ATF6: variants seen among roughly 807,000 people sequenced by gnomAD.
The protein encoded by ATF6 is cyclic AMP-dependent transcription factor ATF-6 alpha.
Under a neutral mutation model 83.6 loss-of-function variants are expected in ATF6, and 53 were observed. That is an observed-to-expected ratio of 0.63 (90% CI 0.51 to 0.80). The LOEUF is 0.80. ATF6 is among the 30% of genes least tolerant of loss of function. ATF6 has a pLI of 0.00. For synonymous variants in ATF6, 288 were observed against 285.8 expected, an observed-to-expected ratio of 1.01 and a Z score of -0.08; for missense variants, 744 against 797.9, an observed-to-expected ratio of 0.93 and a Z score of 0.81.
intron 14 of ATF6, among the ~76,000 whole-genome samples, chr1:161,874,199 T>C (rs1387283632): frequency 6.6e-6 from 1 of 151,624 alleles, no homozygotes; most frequent in Admixed American, 6.6e-5. Context: ...TATTTTTCAG[T>C]TAGGGTGTTA....
At chr1:161,845,281 T>C (rs961564461) in intron 9 of ATF6, among the ~76,000 whole-genome samples, 1 of 152,214 alleles carries the variant, frequency 6.6e-6, no homozygotes, top group African/African-American at 2.4e-5. Context: ...ACTACCCTTT[T>C]TCATTAGCCT....
chr1:161,807,005 C>T (rs1685299440), intron 7 of ATF6, among the ~76,000 whole-genome samples: 1 of 152,024 alleles, frequency 6.6e-6, no homozygotes, highest in South Asian at 2.1e-4. Context: ...CTTGGAGAAT[C>T]TACCATGTGT....
chr1:161,959,290 G>C lies in ATF6; in HGVS notation c.*636G>C, dbSNP rs1689037246. The C allele has an allele frequency of 6.6e-6, 1 of 152,218 alleles. No individual in the cohort carries two copies. Among genetic ancestry groups the C allele is most frequent in the East Asian group, 1.9e-4 (1 of 5,204 alleles). 9.4% of individuals were successfully genotyped at this position (152,218 alleles called of 1,614,324 possible). A position where few individuals can be genotyped will look rare whatever the true frequency, so the allele number is the denominator to read the frequency against. ...ATTTGTGGCTCACACCTAAACAAAG[G>C]GGGTCAGGGAGTGGGTACAAATTTG... On this transcript the variant is annotated 3_prime_UTR_variant, in exon 16 of 16. Coordinates refer to ENST00000367942, the MANE Select transcript of ATF6 (RefSeq NM_007348.4).
chr1:161,779,722 G>A lies in ATF6; in HGVS notation c.159+1402G>A, dbSNP rs760326724. Among the ~76,000 whole-genome samples the A allele has an allele frequency of 2.0e-5, 3 of 152,142 alleles. No individual in the cohort carries two copies. In the South Asian group the frequency reaches 6.2e-4, roughly 32 times the overall value. ...ATTAAGAAAGTTTAAGGATTTTTTG[G>A]TTGCTAAAACAAGGCTGCTTAATTT... On this transcript the variant is annotated intron_variant, in intron 2 of 15. Transcript: ENST00000367942.
Position 161,766,401 on chromosome 1 carries a change from C to A in ATF6, c.41C>A (p.Pro14His), listed in dbSNP as rs540411870. Residue 14 changes from proline to histidine, a missense_variant, in exon 1 of 16, where the codon CCT becomes CAT. By Grantham distance (77) the Pro-to-His change is moderately conservative (BLOSUM62 -2). Transcript: ENST00000367942. Reference protein sequence around the residue: ...PAGVAGTMESPFSPGLFHRLD... With the variant: ...PAGVAGTMESHFSPGLFHRLD... ...GGGGTTGCCGGCACCATGGAGTCAC[C>A]TTTTAGCCCGGGACTCTTTCACAGG... is the stretch of plus-strand genomic sequence containing the variant. The A allele has an allele frequency of 2.5e-5, 41 of 1,613,596 alleles. No individual in the cohort carries two copies. Among genetic ancestry groups the A allele is most frequent in the Non-Finnish European group, 3.3e-5 (39 of 1,179,740 alleles).
At chr1:161,810,353 C>CA (rs1685425932) in intron 7 of ATF6, among the ~76,000 whole-genome samples, 1 of 152,134 alleles carries the variant, frequency 6.6e-6, no homozygotes. Flanking sequence ...AAGTGCTACA[C>CA]ACTTTTAAAC....
At chr1:161,923,992 G>A (rs1192741402) in intron 15 of ATF6, among the ~76,000 whole-genome samples, 1 of 152,156 alleles carries the variant, frequency 6.6e-6, no homozygotes, top group Non-Finnish European at 1.5e-5. Context: ...ACTCTCCAAA[G>A]TCTGTTATTT....
intron 4 of ATF6, among the ~76,000 whole-genome samples, chr1:161,785,727 A>G (rs1684730693): frequency 6.6e-6 from 1 of 152,136 alleles, no homozygotes. Context: ...GATTGTTGAC[A>G]CCAAGGTAAA....
chr1:161,955,107 A>G (rs1688939431), intron 15 of ATF6, among the ~76,000 whole-genome samples: 1 of 152,182 alleles, frequency 6.6e-6, no homozygotes, highest in Non-Finnish European at 1.5e-5. Context: ...CATAAAACCC[A>G]TGATTTTACT....
At chr1:161,791,782 A>C (rs1276418514) in intron 5 of ATF6, among the ~76,000 whole-genome samples, 2 of 152,192 alleles carry the variant, frequency 1.3e-5, no homozygotes, top group African/African-American at 4.8e-5. Context: ...CACCATCTTC[A>C]GGAGAGATTT....
At chr1:161,798,173 A>G (rs1433413045) in intron 6 of ATF6, among the ~76,000 whole-genome samples, 2 of 152,220 alleles carry the variant, frequency 1.3e-5, no homozygotes, top group Non-Finnish European at 2.9e-5. Context: ...AGATGGATGA[A>G]AGACTTAAAT....
intron 13 of ATF6, among the ~76,000 whole-genome samples, chr1:161,861,252 C>G (rs1686880289): frequency 6.6e-6 from 1 of 152,032 alleles, no homozygotes; most frequent in Non-Finnish European, 1.5e-5. Flanking sequence ...TTAACATTTA[C>G]TTAGAATATA....
intron 15 of ATF6, among the ~76,000 whole-genome samples, chr1:161,915,910 A>G (rs913297391): frequency 1.3e-5 from 2 of 152,160 alleles, no homozygotes; most frequent in Non-Finnish European, 2.9e-5. Flanking sequence ...GACATGAGCC[A>G]CTGCACCCAG....
chr1:161,924,700 C>A (rs113198218), intron 15 of ATF6, among the ~76,000 whole-genome samples: 115 of 152,286 alleles, frequency 7.6e-4, no homozygotes, highest in African/African-American at 2.5e-3. Context: ...TAAGCAGTTT[C>A]TTTGAAGATA....
At chr1:161,807,082 T>A (rs1394260650) in intron 7 of ATF6, among the ~76,000 whole-genome samples, 2 of 152,112 alleles carry the variant, frequency 1.3e-5, no homozygotes, top group East Asian at 3.9e-4. Flanking sequence ...TCAAGGTTGC[T>A]TGTTGGAAAC....
intron 1 of ATF6, among the ~76,000 whole-genome samples, chr1:161,773,138 G>GTTTTTT (rs1170525204): frequency 8.0e-6 from 1 of 125,152 alleles, no homozygotes; most frequent in African/African-American, 3.2e-5. Flanking sequence ...GCTACTTTTT[G>GTTTTTT]TATTTTTTTT....
chr1:161,934,000 A>C (rs1688485845), intron 15 of ATF6, among the ~76,000 whole-genome samples: 1 of 152,232 alleles, frequency 6.6e-6, no homozygotes, highest in African/African-American at 2.4e-5. Context: ...ATCAAAAAGC[A>C]AGAGACACAA....
At chr1:161,845,198 A>AT (rs1686452720) in intron 9 of ATF6, among the ~76,000 whole-genome samples, 1 of 152,126 alleles carries the variant, frequency 6.6e-6, no homozygotes, top group Non-Finnish European at 1.5e-5. Flanking sequence ...CCCAACACTG[A>AT]TTTCCCCAAA....
rs560820430 is a variant in ATF6, at chr1:161,861,456, AAT to A, written c.1604+1182_1604+1183del. The stretch of plus-strand genomic sequence containing the variant: ...TTATCCTGTTGAAATTGATAATTCA[AAT>A]ATGTTTAAATAATAACTAATCATTC... On this transcript the variant is annotated intron_variant, in intron 13 of 15. Transcript: ENST00000367942. Among the ~76,000 whole-genome samples the A allele has an allele frequency of 6.0e-4, 92 of 152,356 alleles. 1 individual carries two copies. The highest frequency in any genetic ancestry group is 2.0e-3 in the African/African-American group (83 of 41,586).
Sources: gnomAD v4.1 joint callset for allele counts (sites outside exome capture counted in the v4.1 genomes callset) on GRCh38, gnomAD v4.1.1 for gene constraint, MANE v1.5 for transcripts, NCBI Gene and HGNC (gene_info 2026-07-23, HGNC 2026-07-21) for gene names.